CDC73: variants seen among roughly 807,000 people sequenced by gnomAD.
CDC73 encodes the protein parafibromin.
A neutral mutation model predicts 83.7 loss-of-function variants in CDC73; 21 were observed. The ratio of observed to expected loss-of-function variants is 0.25; its 90% CI spans 0.18 to 0.36. The LOEUF is 0.36. Ranked by LOEUF, CDC73 falls within the 10% of genes least tolerant of loss-of-function variation. The pLI is 1.00. For missense variants in CDC73, 342 were observed against 653.3 expected, an observed-to-expected ratio of 0.52 and a Z score of 5.19; for synonymous variants, 224 against 212.9, an observed-to-expected ratio of 1.05 and a Z score of -0.45.
At chr1:193,168,008 C>T (rs559509164) in intron 10 of CDC73, among the ~76,000 whole-genome samples, 57 of 152,112 alleles carry the variant, frequency 3.7e-4, no homozygotes, top group Admixed American at 2.0e-3. Flanking sequence ...TTACAGATGC[C>T]TGCCACCACG....
intron 15 of CDC73, among the ~76,000 whole-genome samples, chr1:193,241,625 G>A (rs781202693): frequency 2.0e-4 from 30 of 152,210 alleles, no homozygotes; most frequent in Non-Finnish European, 3.2e-4. Flanking sequence ...ACAGGACAGT[G>A]CGCAGGCCCA....
intron 10 of CDC73, among the ~76,000 whole-genome samples, chr1:193,185,778 A>C (rs574997922): frequency 6.6e-6 from 1 of 151,988 alleles, no homozygotes; most frequent in Admixed American, 6.6e-5. Context: ...TCTTCTTCTT[A>C]TTTGCCTTTT....
At position 193,234,369 on chromosome 1, in the gene CDC73, A is replaced by G. The variant is rs964477499; in HGVS notation, c.1316+1215A>G. On this transcript the variant is annotated intron_variant, in intron 14 of 16. Coordinates refer to ENST00000367435, the MANE Select transcript of CDC73 (RefSeq NM_024529.5). ...ATATATATATATATTTAAAATTATA[A>G]TTCTTCTCTGGTACCTAATAGATAC... 5.9e-5 allele frequency among the ~76,000 whole-genome samples: 6 copies of G among 102,022 alleles called. No individual in the cohort carries two copies. The East Asian group carries it at 1.5e-3, about 25-fold the overall frequency. The allele number at this position is 102,022 out of a possible 152,430, so 66.9% of individuals were successfully genotyped here.
rs777537301 is a variant in CDC73 at position 193,236,268 on chromosome 1, A to G, written c.1329A>G (p.Val443=). 6.2e-7 allele frequency: 1 copy of G among 1,613,438 alleles called. No homozygotes were observed. Among genetic ancestry groups the G allele is most frequent in the Admixed American group, 1.7e-5 (1 of 60,016 alleles). ...KLMPQDWDRV[V]AVFVQGPAWQ... ...TTTCTACTTGTAGGGACCGCGTTGT[A>G]GCCGTTTTTGTGCAGGGTCCTGCAT... is the stretch of plus-strand genomic sequence containing the variant. The change falls in exon 15 of 17, where the codon GTA becomes GTG. Residue 443 remains valine (V), a synonymous_variant. Transcript: ENST00000367435.
chr1:193,239,433 G>A (rs935977931), intron 15 of CDC73, among the ~76,000 whole-genome samples: 1 of 152,040 alleles, frequency 6.6e-6, no homozygotes, highest in Non-Finnish European at 1.5e-5. Context: ...TTTTGTTAAT[G>A]TTGCATAATT....
In CDC73 at chr1:193,251,010, A is replaced by AC; in HGVS notation, c.*298_*299insC. 1 of 406,308 alleles carries AC rather than the reference A, an allele frequency of 2.5e-6. No individual in the cohort carries two copies. The highest frequency in any genetic ancestry group is 3.9e-5 in the Admixed American group (1 of 25,676). 25.2% of individuals were successfully genotyped at this position (406,308 alleles called of 1,614,324 possible). ...TTTAGAAAATAAATGCAGGTTATAAATGTGTGTATATTTAGAGATTATAAG... is the reference window on the plus strand; with the variant it reads ...TTTAGAAAATAAATGCAGGTTATAAACTGTGTGTATATTTAGAGATTATAAG... On this transcript the variant is annotated 3_prime_UTR_variant, in exon 17 of 17. Transcript: ENST00000367435.
intron 13 of CDC73, among the ~76,000 whole-genome samples, chr1:193,216,746 C>G (rs973264454): frequency 3.3e-5 from 5 of 152,086 alleles, no homozygotes; most frequent in Non-Finnish European, 5.9e-5. Context: ...ACTAAAACAC[C>G]CTCATCAAAT....
At chr1:193,153,347 G>C (rs1180303065) in intron 10 of CDC73, among the ~76,000 whole-genome samples, 1 of 151,972 alleles carries the variant, frequency 6.6e-6, no homozygotes, top group African/African-American at 2.4e-5. Flanking sequence ...TTATATTCTA[G>C]ACCATTCTAC....
chr1:193,232,806 G>A (rs1405683291), intron 13 of CDC73, among the ~76,000 whole-genome samples, 187 bp from the exon 14 acceptor site: 1 of 152,054 alleles, frequency 6.6e-6, no homozygotes, highest in East Asian at 1.9e-4. Context: ...GGGAGGCTGA[G>A]GCAGGAGAAT....
chr1:193,152,699 T>G (rs1364612341), intron 10 of CDC73, among the ~76,000 whole-genome samples: 1 of 152,220 alleles, frequency 6.6e-6, no homozygotes, highest in Non-Finnish European at 1.5e-5. Context: ...CAATGCCACC[T>G]GGTCAGTATT....
intron 10 of CDC73, among the ~76,000 whole-genome samples, chr1:193,154,428 G>C (rs921943654): frequency 3.3e-5 from 5 of 152,158 alleles, no homozygotes; most frequent in African/African-American, 1.2e-4. Context: ...GTATGAGAAT[G>C]ATGTGATTCT....
chr1:193,214,099 G>A (rs748773541), intron 13 of CDC73, among the ~76,000 whole-genome samples: 1 of 152,144 alleles, frequency 6.6e-6, no homozygotes. Flanking sequence ...CAGTTCCTCT[G>A]TGTCCTTTCC....
chr1:193,161,673 T>G lies in CDC73; in HGVS notation c.972+9229T>G, dbSNP rs1299743145. On this transcript the variant is annotated intron_variant, in intron 10 of 16. Coordinates refer to ENST00000367435, the MANE Select transcript of CDC73 (RefSeq NM_024529.5). Reference sequence around the variant, plus strand: ...TATATAATATATTATATATCTATCATATAATATATATAATATATAATATAT... The same window carrying G: ...TATATAATATATTATATATCTATCAGATAATATATATAATATATAATATAT... 4.5e-5 allele frequency among the ~76,000 whole-genome samples: 2 copies of G among 44,622 alleles called. 1 individual carries two copies. Among genetic ancestry groups the G allele is most frequent in the African/African-American group, 1.5e-4 (2 of 13,250 alleles). The allele number at this position is 44,622 out of a possible 152,430, so 29.3% of individuals were successfully genotyped here.
intron 10 of CDC73, among the ~76,000 whole-genome samples, chr1:193,153,039 A>G (rs1442882114): frequency 1.3e-5 from 2 of 152,118 alleles, no homozygotes; most frequent in Non-Finnish European, 2.9e-5. Flanking sequence ...AAGTGCTGGG[A>G]TTACAAGTGT....
chr1:193,223,162 T>C (rs1314570430), intron 13 of CDC73, among the ~76,000 whole-genome samples: 1 of 152,190 alleles, frequency 6.6e-6, no homozygotes, highest in Non-Finnish European at 1.5e-5. Flanking sequence ...TCCTTAGTCA[T>C]CTTCCTTTGA....
At chr1:193,133,658 AAGT>A (rs1675734265) in intron 3 of CDC73, among the ~76,000 whole-genome samples, 2 of 152,226 alleles carry the variant, frequency 1.3e-5, no homozygotes, top group Non-Finnish European at 2.9e-5. Context: ...AAGCTGATAA[AAGT>A]AGTAAAGTTC....
At chr1:193,234,890 C>T (rs1466470047) in intron 14 of CDC73, among the ~76,000 whole-genome samples, 1 of 101,932 alleles carries the variant, frequency 9.8e-6, no homozygotes, top group African/African-American at 4.0e-5. Flanking sequence ...TAATTTTAGT[C>T]TCAGAGATTT....
intron 13 of CDC73, among the ~76,000 whole-genome samples, chr1:193,220,693 A>G (rs1255692883): frequency 1.3e-5 from 2 of 152,162 alleles, no homozygotes; most frequent in Non-Finnish European, 2.9e-5. Context: ...GAATGACAAA[A>G]TATTCATTGA....
chr1:193,166,794 T>C (rs898307346), intron 10 of CDC73, among the ~76,000 whole-genome samples: 1 of 152,034 alleles, frequency 6.6e-6, no homozygotes, highest in Non-Finnish European at 1.5e-5. Context: ...ATTACAGTTA[T>C]GCGCCACCAC....
Sources: allele counts gnomAD v4.1 joint callset (sites outside exome capture counted in the v4.1 genomes callset), GRCh38; gene constraint gnomAD v4.1.1; transcripts MANE v1.5; gene names NCBI Gene and HGNC (gene_info 2026-07-23, HGNC 2026-07-21).